RPS6KA1: variants seen among roughly 807,000 people sequenced by gnomAD.
RPS6KA1 encodes the protein ribosomal protein S6 kinase alpha-1.
RPS6KA1 carries 48 observed loss-of-function variants against 91.3 expected under a neutral mutation model. The ratio of observed to expected loss-of-function variants is 0.53; its 90% CI spans 0.42 to 0.67. The LOEUF (loss-of-function observed/expected upper bound fraction) is 0.67, where lower values mean the gene tolerates loss of function less well. RPS6KA1 is among the 30% of genes least tolerant of loss of function. The pLI is 0.00. For synonymous variants in RPS6KA1, 359 were observed against 384.7 expected, an observed-to-expected ratio of 0.93 and a Z score of 0.78; for missense variants, 719 against 960.5, an observed-to-expected ratio of 0.75 and a Z score of 3.32.
intron 2 of RPS6KA1, among the ~76,000 whole-genome samples, chr1:26,542,808 GC>G (rs140532952): frequency 0.049 from 7,438 of 152,234 alleles, 583 homozygotes; most frequent in African/African-American, 0.17. Flanking sequence ...GCTGACTTTT[GC>G]CCCACATTCT....
At chr1:26,545,936 C>A in intron 2 of RPS6KA1, 1 of 1,596,294 alleles carries the variant, frequency 6.3e-7, no homozygotes, top group Non-Finnish European at 8.5e-7. Flanking sequence ...GTCTGCGGCT[C>A]TGGGCCCTGA....
In RPS6KA1 at chr1:26,558,947, G is replaced by T. The variant is rs1358247632; in HGVS notation, c.1215+10G>T. 6.2e-7 allele frequency: 1 copy of T among 1,604,952 alleles called. No homozygotes were observed. Among genetic ancestry groups the T allele is most frequent in the Admixed American group, 1.7e-5 (1 of 59,668 alleles). On this transcript the variant is annotated intron_variant, in intron 14 of 21. Transcript: ENST00000374168. This position sits in a 1 kb window ranked among gnomAD's most constrained non-coding sequence, Gnocchi z 4.0. ...GCACTCGGTGGTACAGGTGAGGGGG[G>T]CAGGGGGCTGCTGCTCCATTATCCT...
chr1:26,561,547 A>G lies in RPS6KA1; in HGVS notation c.1474A>G (p.Met492Val). The G allele has an allele frequency of 6.2e-7, 1 of 1,614,058 alleles. No homozygotes were observed. Among genetic ancestry groups the G allele is most frequent in the Non-Finnish European group, 8.5e-7 (1 of 1,179,990 alleles). ...ACACGTGTACCTGGTGACAGAGCTG[A>G]TGCGGGGTGGGGAGCTGCTGGACAA... ...GKHVYLVTEL[M>V]RGGELLDKIL... is the part of the protein sequence containing the mutation. The change falls in exon 17 of 22, where the codon ATG becomes GTG. Residue 492 changes from methionine to valine, a missense_variant. Transcript: ENST00000374168. This position sits in a 1 kb window ranked among gnomAD's most constrained non-coding sequence, Gnocchi z 5.7.
At chr1:26,562,072 G>C (rs9971001) in intron 17 of RPS6KA1, among the ~76,000 whole-genome samples, 55,500 of 151,834 alleles carry the variant, frequency 0.37, 11,258 homozygotes, top group East Asian at 0.76. Flanking sequence ...GGTGTGGTGG[G>C]GGGCATCTGT....
At chr1:26,573,616 A>G (rs373988301) in intron 21 of RPS6KA1, among the ~76,000 whole-genome samples, 2 of 152,164 alleles carry the variant, frequency 1.3e-5, no homozygotes, top group Admixed American at 6.5e-5. Flanking sequence ...GGCAGGACCC[A>G]TGACCATAAA....
At chr1:26,553,121 G>C (rs1462734872) in intron 6 of RPS6KA1, among the ~76,000 whole-genome samples, 1 of 152,194 alleles carries the variant, frequency 6.6e-6, no homozygotes. Flanking sequence ...ACTCCATTAT[G>C]CAGGGGAGAG....
intron 1 of RPS6KA1, among the ~76,000 whole-genome samples, chr1:26,534,733 A>G (rs2075894076): frequency 6.6e-6 from 1 of 152,236 alleles, no homozygotes; most frequent in Non-Finnish European, 1.5e-5. Context: ...CTGAAGCCCC[A>G]GTAAATGAAC....
chr1:26,534,135 C>T (rs966379880), intron 1 of RPS6KA1, among the ~76,000 whole-genome samples: 1 of 152,202 alleles, frequency 6.6e-6, no homozygotes, highest in African/African-American at 2.4e-5. Context: ...CTTGCAGCCA[C>T]GTGACTTTGG....
chr1:26,548,481 A>T (rs797013214), intron 4 of RPS6KA1, among the ~76,000 whole-genome samples: 56 of 152,184 alleles, frequency 3.7e-4, no homozygotes, highest in Middle Eastern at 3.4e-3. Context: ...GTTTGCCTGA[A>T]CTAAAGTGTA....
In RPS6KA1 at chr1:26,547,148, C is replaced by T. The variant is rs77287947; in HGVS notation, c.226-41C>T. The T allele has an allele frequency of 4.8e-4, 767 of 1,603,760 alleles. 2 individuals carry two copies. In the African/African-American group the frequency reaches 7.4e-3, roughly 15 times the overall value. On this transcript the variant is annotated intron_variant, in intron 3 of 21. Transcript: ENST00000374168. This position sits in a 1 kb window ranked among gnomAD's most constrained non-coding sequence, Gnocchi z 4.1. Reference sequence around the variant, plus strand: ...GATAGAGGTCAGCCTGGACTCAGACCTCTCCCATCTTCTGCCCTGCTTCCT... The same window carrying T: ...GATAGAGGTCAGCCTGGACTCAGACTTCTCCCATCTTCTGCCCTGCTTCCT...
Position 26,554,095 on chromosome 1 carries a change from CAGAG to C in RPS6KA1, c.576-115_576-112del, listed in dbSNP as rs1265616347. On this transcript the variant is annotated intron_variant, in intron 7 of 21. Coordinates refer to ENST00000374168, the MANE Select transcript of RPS6KA1 (RefSeq NM_002953.4). The surrounding 1 kb of genome is among the most constrained non-coding windows in gnomAD (Gnocchi z 4.6). The stretch of plus-strand genomic sequence containing the variant: ...CACCCTGCAACACCCGCCCAGTCAT[CAGAG>C]AGAATTGGGTGGAGCACCTCCTCTG... 1 of 1,031,068 alleles carries C rather than the reference CAGAG, an allele frequency of 9.7e-7. No individual in the cohort carries two copies. The highest frequency in any genetic ancestry group is 1.4e-6 in the Non-Finnish European group (1 of 708,524). 63.9% of individuals were successfully genotyped at this position (1,031,068 alleles called of 1,614,324 possible).
At chr1:26,573,790 TAGCC>T (rs1448486147) in intron 21 of RPS6KA1, among the ~76,000 whole-genome samples, 1 of 151,706 alleles carries the variant, frequency 6.6e-6, no homozygotes, top group Non-Finnish European at 1.5e-5. Context: ...ATACAAAAAT[TAGCC>T]AGGTGTGGTG....
chr1:26,564,900 G>C (rs1367330135), intron 17 of RPS6KA1, among the ~76,000 whole-genome samples: 1 of 152,158 alleles, frequency 6.6e-6, no homozygotes, highest in Non-Finnish European at 1.5e-5. Flanking sequence ...TCTTAAGTGA[G>C]TACTCGTTAA....
Position 26,557,089 on chromosome 1 carries a change from G to C in RPS6KA1, c.1073G>C (p.Arg358Pro), listed in dbSNP as rs201153306. 2 of 1,613,270 alleles carry C rather than the reference G, an allele frequency of 1.2e-6. No homozygotes were observed. Among genetic ancestry groups the C allele is most frequent in the South Asian group, 2.2e-5 (2 of 91,076 alleles). The change falls in exon 13 of 22, where the codon CGC becomes CCC. Residue 358 changes from arginine (R) to proline (P), a missense_variant. Arg to Pro is a moderately radical substitution (Grantham distance 103). Coordinates refer to ENST00000374168, the MANE Select transcript of RPS6KA1 (RefSeq NM_002953.4). ...TFYFDTEFTS[R>P]TPKDSPGIPP... ...TACTTTGACACCGAGTTCACGTCCCGCACACCCAAGGGTGCGTCCCTTATC... is the reference window on the plus strand; with the variant it reads ...TACTTTGACACCGAGTTCACGTCCCCCACACCCAAGGGTGCGTCCCTTATC...
chr1:26,546,940 A>G lies in RPS6KA1; in HGVS notation c.182A>G (p.His61Arg). 6.2e-7 allele frequency: 1 copy of G among 1,614,094 alleles called. No homozygotes were observed. Among genetic ancestry groups the G allele is most frequent in the Non-Finnish European group, 8.5e-7 (1 of 1,180,026 alleles). The change falls in exon 3 of 22, where the codon CAT becomes CGT. Residue 61 changes from histidine (H) to arginine (R), a missense_variant. Transcript: ENST00000374168. ...KAGSEKADPSHFELLKVLGQG... is the reference protein window; with the variant it reads ...KAGSEKADPSRFELLKVLGQG... ...GGCTCTGAGAAGGCTGATCCATCCC[A>G]TTTCGAGCTCCTCAAGGTTCTGGGC...
chr1:26,529,999 G>A lies in RPS6KA1; in HGVS notation c.63+16G>A, dbSNP rs934459920. ...GGACCCGGAGGTGAGTGAGCGGGGC[G>A]GGGGACGGGCGCCCGCGGCCGGCGA... On this transcript the variant is annotated intron_variant, in intron 1 of 21. Coordinates refer to ENST00000374168, the MANE Select transcript of RPS6KA1 (RefSeq NM_002953.4). This position sits in a 1 kb window ranked among gnomAD's most constrained non-coding sequence, Gnocchi z 4.2. 4 of 1,344,746 alleles carry A rather than the reference G, an allele frequency of 3.0e-6. No individual in the cohort carries two copies. The highest frequency in any genetic ancestry group is 3.4e-5 in the South Asian group (2 of 58,208). 83.3% of individuals were successfully genotyped at this position (1,344,746 alleles called of 1,614,324 possible). A position where few individuals can be genotyped will look rare whatever the true frequency, so the allele number is the denominator to read the frequency against.
At chr1:26,556,014 G>A (rs1305244978) in intron 11 of RPS6KA1, 2 of 267,696 alleles carry the variant, frequency 7.5e-6, no homozygotes, top group South Asian at 1.1e-4. Flanking sequence ...TTTGTTAAAC[G>A]AATGAGGCCA....
chr1:26,551,291 G>A lies in RPS6KA1; in HGVS notation c.308-106G>A. ...AGCCCTGGGTGAGGGGGCTTTGGGAGCTCAGGCCTGGAGGAACAAGTGGAA... is the reference window on the plus strand; with the variant it reads ...AGCCCTGGGTGAGGGGGCTTTGGGAACTCAGGCCTGGAGGAACAAGTGGAA... On this transcript the variant is annotated intron_variant, in intron 4 of 21. Coordinates refer to ENST00000374168, the MANE Select transcript of RPS6KA1 (RefSeq NM_002953.4). This position sits in a 1 kb window ranked among gnomAD's most constrained non-coding sequence, Gnocchi z 4.5. 1.0e-6 allele frequency: 1 copy of A among 958,030 alleles called. No individual in the cohort carries two copies. The highest frequency in any genetic ancestry group is 1.7e-6 in the Non-Finnish European group (1 of 605,778). The allele number at this position is 958,030 out of a possible 1,614,324, so 59.3% of individuals were successfully genotyped here.
intron 1 of RPS6KA1, chr1:26,530,624 G>T: frequency 1.9e-6 from 1 of 526,990 alleles, no homozygotes; most frequent in Non-Finnish European, 2.9e-6. Context: ...GGCAGGGCGT[G>T]GGGGGACCTT....
Sources: allele counts gnomAD v4.1 joint callset (sites outside exome capture counted in the v4.1 genomes callset), GRCh38; gene constraint gnomAD v4.1.1; non-coding constraint Gnocchi (gnomAD v3.1); transcripts MANE v1.5; gene names NCBI Gene and HGNC (gene_info 2026-07-23, HGNC 2026-07-21).